COL23A1: variants seen among roughly 807,000 people sequenced by gnomAD.
COL23A1 encodes collagen alpha-1(XXIII) chain.
COL23A1 carries 97 observed loss-of-function variants against 99.3 expected under a neutral mutation model. That is an observed-to-expected ratio of 0.98 (90% CI 0.83 to 1.16). COL23A1 has a LOEUF of 1.16. Among genes scored for constraint, COL23A1 ranks in the 50% most tolerant of loss-of-function variants. The probability of loss-of-function intolerance (pLI) is 0.00; values close to 1 mark genes in which losing one functional copy is unlikely to be tolerated. For synonymous variants in COL23A1, 320 were observed against 308.2 expected, an observed-to-expected ratio of 1.04 and a Z score of -0.40; for missense variants, 762 against 757.4, an observed-to-expected ratio of 1.01 and a Z score of -0.07.
intron 5 of COL23A1, among the ~76,000 whole-genome samples, chr5:178,272,472 T>C (rs36034256): frequency 0.24 from 36,122 of 152,138 alleles, 4,719 homozygotes; most frequent in East Asian, 0.53. Context: ...GCTGAGGGTT[T>C]GGCCATCAGA....
At chr5:178,427,384 C>G (rs544005133) in intron 2 of COL23A1, among the ~76,000 whole-genome samples, 2 of 152,306 alleles carry the variant, frequency 1.3e-5, no homozygotes, top group South Asian at 4.1e-4. Context: ...ACTAAACATA[C>G]TCTTGCCATA....
intron 7 of COL23A1, among the ~76,000 whole-genome samples, chr5:178,268,160 G>A (rs1404995231): frequency 1.3e-5 from 2 of 152,222 alleles, no homozygotes; most frequent in East Asian, 1.9e-4. Flanking sequence ...ACATGGTCCA[G>A]CTGTGGGAGC....
intron 2 of COL23A1, chr5:178,378,030 T>G (rs1207216043): frequency 6.6e-6 from 1 of 151,842 alleles, no homozygotes; most frequent in Non-Finnish European, 1.5e-5. Context: ...GCTGACTGAG[T>G]GTGCACAGTA....
rs1247805184 is a variant in COL23A1, at chr5:178,472,422, G to A, written c.361+88260C>T. On this transcript the variant is annotated intron_variant, in intron 2 of 28. Coordinates refer to ENST00000390654, the MANE Select transcript of COL23A1 (RefSeq NM_173465.4). ...GCAAGTGAGGTGCCAGCATGCTTTG[G>A]TTCTACTCCAAGAAAGTCTGATTCC... 2.0e-5 allele frequency among the ~76,000 whole-genome samples: 3 copies of A among 152,192 alleles called. No individual in the cohort carries two copies. In the East Asian group the frequency reaches 5.8e-4, roughly 29 times the overall value.
chr5:178,351,763 C>T (rs1003516321), intron 2 of COL23A1, among the ~76,000 whole-genome samples: 1 of 152,076 alleles, frequency 6.6e-6, no homozygotes, highest in Non-Finnish European at 1.5e-5. Context: ...AGTTTATATG[C>T]GGAAGCCCCT....
chr5:178,391,570 C>A (rs1763964635), intron 2 of COL23A1, among the ~76,000 whole-genome samples: 1 of 152,162 alleles, frequency 6.6e-6, no homozygotes, highest in Non-Finnish European at 1.5e-5. Flanking sequence ...ATAAAAGAGT[C>A]AGACAGTCAA....
chr5:178,246,713 G>A (rs1421433043), intron 22 of COL23A1, among the ~76,000 whole-genome samples: 3 of 77,096 alleles, frequency 3.9e-5, no homozygotes, highest in African/African-American at 1.3e-4. Context: ...GAGGAAAGCA[G>A]GTGCAGACGG....
At chr5:178,467,536 C>T (rs1168140884) in intron 2 of COL23A1, among the ~76,000 whole-genome samples, 1 of 152,030 alleles carries the variant, frequency 6.6e-6, no homozygotes, top group East Asian at 1.9e-4. Flanking sequence ...GTTTAGGGGG[C>T]GGTAGTCGGA....
intron 5 of COL23A1, among the ~76,000 whole-genome samples, chr5:178,271,490 C>T (rs940286863): frequency 2.0e-5 from 3 of 152,204 alleles, no homozygotes; most frequent in Admixed American, 2.0e-4. Context: ...CCTGTTCCCA[C>T]CACATATATT....
chr5:178,358,544 G>A (rs552614247), intron 2 of COL23A1, among the ~76,000 whole-genome samples: 15,161 of 148,368 alleles, frequency 0.1, 928 homozygotes, highest in Middle Eastern at 0.24. Context: ...GTGTGTATGT[G>A]TGTGTATGTG....
At chr5:178,353,631 C>G (rs1458272725) in intron 2 of COL23A1, among the ~76,000 whole-genome samples, 2 of 152,174 alleles carry the variant, frequency 1.3e-5, no homozygotes, top group African/African-American at 4.8e-5. Flanking sequence ...AGCTTCTCCT[C>G]TCTTAGGATA....
At chr5:178,580,459 T>C (rs966257774) in intron 1 of COL23A1, among the ~76,000 whole-genome samples, 7 of 151,424 alleles carry the variant, frequency 4.6e-5, no homozygotes, top group Admixed American at 3.9e-4. Flanking sequence ...AGAGGACATC[T>C]GCAAGCTTTT....
chr5:178,437,692 G>C (rs1236067891), intron 2 of COL23A1, among the ~76,000 whole-genome samples: 1 of 152,184 alleles, frequency 6.6e-6, no homozygotes, highest in African/African-American at 2.4e-5. Context: ...TCATGGCCCC[G>C]TACTCCCCTA....
rs997003948 is a variant in COL23A1 at position 178,583,795 on chromosome 5, C to A, written c.294+6109G>T. The stretch of plus-strand genomic sequence containing the variant: ...AGAAACAAAATCCAGGCACCTTGAG[C>A]CGGGCCTACACAGACACTAGCCTGG... On this transcript the variant is annotated intron_variant, in intron 1 of 28. Coordinates refer to ENST00000390654, the MANE Select transcript of COL23A1 (RefSeq NM_173465.4). Among the ~76,000 whole-genome samples, 8 of 152,182 alleles carry A rather than the reference C, an allele frequency of 5.3e-5. No individual in the cohort carries two copies. The East Asian group carries it at 1.2e-3, about 22-fold the overall frequency.
chr5:178,391,815 C>T (rs1439137248), intron 2 of COL23A1, among the ~76,000 whole-genome samples: 1 of 152,072 alleles, frequency 6.6e-6, no homozygotes, highest in Non-Finnish European at 1.5e-5. Context: ...GCCCAAAAGT[C>T]CAAGTATCCA....
chr5:178,287,800 G>T (rs775363906), intron 5 of COL23A1, among the ~76,000 whole-genome samples: 1 of 152,230 alleles, frequency 6.6e-6, no homozygotes, highest in Non-Finnish European at 1.5e-5. Flanking sequence ...GCACAGCCAC[G>T]CTGCGTCTTG....
chr5:178,250,444 C>T (rs1009076377), intron 17 of COL23A1, among the ~76,000 whole-genome samples: 1 of 152,178 alleles, frequency 6.6e-6, no homozygotes, highest in Non-Finnish European at 1.5e-5. Context: ...GATAAATGGG[C>T]AGGATGCAAA....
chr5:178,274,677 G>A (rs1162600947), intron 5 of COL23A1, among the ~76,000 whole-genome samples: 2 of 152,152 alleles, frequency 1.3e-5, no homozygotes, highest in East Asian at 1.9e-4. Context: ...CCCACAGAAG[G>A]AGTGGGAAGG....
At chr5:178,509,381 C>A (rs762141775) in intron 2 of COL23A1, among the ~76,000 whole-genome samples, 1 of 152,072 alleles carries the variant, frequency 6.6e-6, no homozygotes, top group Non-Finnish European at 1.5e-5. Flanking sequence ...CCACCATGCC[C>A]GGCTAATTTT....
Sources: gnomAD v4.1 joint callset for allele counts (sites outside exome capture counted in the v4.1 genomes callset) on GRCh38, gnomAD v4.1.1 for gene constraint, MANE v1.5 for transcripts, NCBI Gene and HGNC (gene_info 2026-07-23, HGNC 2026-07-21) for gene names.